The following NIN variants were observed in gnomAD, a reference collection of about 807,000 sequenced individuals.
The protein encoded by NIN is ninein.
NIN carries 137 observed loss-of-function variants against 257.6 expected under a neutral mutation model. The ratio of observed to expected loss-of-function variants is 0.53; its 90% CI spans 0.46 to 0.61. The LOEUF (loss-of-function observed/expected upper bound fraction) is 0.61. Ranked by LOEUF, NIN falls within the 20% of genes least tolerant of loss-of-function variation. The pLI is 0.00. For missense variants in NIN, 2,439 were observed against 2,501.2 expected (o/e 0.98, Z 0.53); for synonymous variants, 918 against 919.8 (o/e 1.00, Z 0.04).
At chr14:50,784,719 G>A (rs1010778159) in intron 5 of NIN, among the ~76,000 whole-genome samples, 5 of 152,180 alleles carry the variant, frequency 3.3e-5, no homozygotes, top group South Asian at 2.1e-4. Flanking sequence ...CACTGTAAAC[G>A]TACATAACTT....
intron 28 of NIN, among the ~76,000 whole-genome samples, chr14:50,732,966 G>T (rs2040793848): frequency 6.6e-6 from 1 of 151,876 alleles, no homozygotes; most frequent in African/African-American, 2.4e-5. Flanking sequence ...ACTTTGGGAG[G>T]CTGAGGTGGG....
At position 50,771,366 on chromosome 14, in the gene NIN, G is replaced by A; in HGVS notation, c.1084C>T (p.Leu362=). The A allele has an allele frequency of 6.2e-7, 1 of 1,614,206 alleles. No individual in the cohort carries two copies. The highest frequency in any genetic ancestry group is 1.3e-5 in the African/African-American group (1 of 75,060). Residue 362 remains leucine, a synonymous_variant, in exon 10 of 31, where the codon CTG becomes TTG. Transcript: ENST00000530997. ...CGGATTTCAGCCTTAAAGCTGGCCAGAGCCGCCTGGTGAATGCTGTTCTTG... is the reference window on the plus strand; with the variant it reads ...CGGATTTCAGCCTTAAAGCTGGCCAAAGCCGCCTGGTGAATGCTGTTCTTG... The part of the protein sequence containing the change: ...VTKNSIHQAA[L]ASFKAEIRHL...
At chr14:50,764,829 C>A (rs1330360611) in intron 14 of NIN, among the ~76,000 whole-genome samples, 1 of 151,954 alleles carries the variant, frequency 6.6e-6, no homozygotes, top group Non-Finnish European at 1.5e-5. Flanking sequence ...GAGATTATGG[C>A]TAAGTGGAGA....
chr14:50,741,591 A>G lies in NIN; in HGVS notation c.5439T>C (p.Ala1813=), dbSNP rs767905880. The G allele has an allele frequency of 4.3e-6, 7 of 1,613,310 alleles. No individual in the cohort carries two copies. Among genetic ancestry groups the G allele is most frequent in the Non-Finnish European group, 5.9e-6 (7 of 1,179,822 alleles). ...VMSLHKQLQN[A]GGKSWAPEIA... ...AAAAAGAACAAATCACCTTGCCACC[A>G]GCATTCTGAAGTTGCTTATGTAAAG... Residue 1813 remains alanine, a synonymous_variant, in exon 25 of 31, where the codon GCT becomes GCC. Transcript: ENST00000530997.
At position 50,738,210 on chromosome 14, in the gene NIN, T is replaced by G. The variant is rs1188068617; in HGVS notation, c.5705A>C (p.Glu1902Ala). 6.2e-7 allele frequency: 1 copy of G among 1,614,148 alleles called. No homozygotes were observed. Among genetic ancestry groups the G allele is most frequent in the Non-Finnish European group, 8.5e-7 (1 of 1,179,994 alleles). Reference protein sequence around the residue: ...LNPSGTMNPTEQEKLSLKREC... With the variant: ...LNPSGTMNPTAQEKLSLKREC... ...TCTCTTTAAGCTCAATTTTTCTTGC[T>G]CTGTGGGATTCATGGTACCTGATGG... The change falls in exon 27 of 31, where the codon GAG becomes GCG. Residue 1902 changes from glutamate to alanine, a missense_variant. Transcript: ENST00000530997.
rs79100387 is a variant in NIN, at chr14:50,738,381, G to T, written c.5629-95C>A. The T allele has an allele frequency of 5.0e-4, 525 of 1,055,500 alleles. 3 individuals carry two copies. In the African/African-American group the frequency reaches 8.0e-3, roughly 16 times the overall value. 65.4% of individuals were successfully genotyped at this position (1,055,500 alleles called of 1,614,324 possible). ...GGGAAAGTTTTAATTCAGTACTTGG[G>T]TCCTGTTTAACATCCTTTTTCAATC... On this transcript the variant is annotated intron_variant, in intron 26 of 30. Coordinates refer to ENST00000530997, the MANE Select transcript of NIN (RefSeq NM_020921.4).
rs1477658805 is a variant in NIN, at chr14:50,758,645, C to T, written c.2400-15G>A. The T allele has an allele frequency of 6.5e-7, 1 of 1,534,820 alleles. No individual in the cohort carries two copies. The highest frequency in any genetic ancestry group is 2.3e-5 in the East Asian group (1 of 44,082). ...CCATTTTTTCCCTAAATATAGTCAA[C>T]ATACAGCATTATTGAAACTGCCGCC... On this transcript the variant is annotated splice_polypyrimidine_tract_variant and intron_variant, in intron 17 of 30. Coordinates refer to ENST00000530997, the MANE Select transcript of NIN (RefSeq NM_020921.4).
intron 29 of NIN, among the ~76,000 whole-genome samples, chr14:50,727,925 G>C (rs951186500): frequency 6.6e-6 from 1 of 152,190 alleles, no homozygotes; most frequent in African/African-American, 2.4e-5. Context: ...TCCACACACA[G>C]AAACGTGCAG....
chr14:50,783,416 C>T (rs2043216027), intron 5 of NIN, among the ~76,000 whole-genome samples: 1 of 152,088 alleles, frequency 6.6e-6, no homozygotes, highest in African/African-American at 2.4e-5. Flanking sequence ...CCCCCTAGGA[C>T]CCTTTGTAAG....
In NIN at chr14:50,756,663, A is replaced by G; in HGVS notation, c.4367T>C (p.Leu1456Pro). 1 of 1,552,490 alleles carries G rather than the reference A, an allele frequency of 6.4e-7. No individual in the cohort carries two copies. Among genetic ancestry groups the G allele is most frequent in the Non-Finnish European group, 8.7e-7 (1 of 1,147,318 alleles). ...CAGCTCCTGTAACTTTGTTTTCTCC[A>G]GTTCTAACTCTGCTATGGTGGCCTG... ...QHQATIAELE[L>P]EKTKLQELTR... Residue 1456 changes from leucine to proline, a missense_variant, in exon 18 of 31, where the codon CTG becomes CCG. By Grantham distance (98) the Leu-to-Pro change is moderately conservative. Coordinates refer to ENST00000530997, the MANE Select transcript of NIN (RefSeq NM_020921.4).
chr14:50,755,648 CTTTTTTTTTTTTTTTTT>C (rs71118900), intron 18 of NIN, among the ~76,000 whole-genome samples: 51 of 80,008 alleles, frequency 6.4e-4, no homozygotes, highest in Admixed American at 1.1e-3. Flanking sequence ...TGTTTTGTCT[CTTTTTTTTTTTTTTTTT>C]TTTTTTTTTT....
chr14:50,778,316 G>T (rs548747968), intron 6 of NIN, among the ~76,000 whole-genome samples: 1 of 152,104 alleles, frequency 6.6e-6, no homozygotes, highest in Non-Finnish European at 1.5e-5. Flanking sequence ...TAGCTGGGAC[G>T]ACAGGCATGT....
chr14:50,739,055 G>C (rs1236006341), intron 26 of NIN, among the ~76,000 whole-genome samples: 1 of 151,910 alleles, frequency 6.6e-6, no homozygotes, highest in Non-Finnish European at 1.5e-5. Flanking sequence ...ATTTCCATGA[G>C]TCTATATTTT....
At chr14:50,741,757 T>C (rs1267389976) in intron 24 of NIN, 29 bp from the exon 25 acceptor site, 5 of 1,608,368 alleles carry the variant, frequency 3.1e-6, no homozygotes, top group Non-Finnish European at 4.2e-6. Context: ...CTTTTACTGC[T>C]ACACAAACTC....
At chr14:50,780,678 A>T (rs1397027772) in intron 5 of NIN, among the ~76,000 whole-genome samples, 3 of 152,178 alleles carry the variant, frequency 2.0e-5, no homozygotes, top group Admixed American at 6.5e-5. Flanking sequence ...AGTTCATTTA[A>T]TTTGGCCATA....
In NIN at chr14:50,778,779, T is replaced by A; in HGVS notation, c.461A>T (p.Glu154Val). 6.2e-7 allele frequency: 1 copy of A among 1,614,094 alleles called. No homozygotes were observed. Residue 154 changes from glutamate (E) to valine (V), a missense_variant, in exon 6 of 31, where the codon GAG (glutamate) becomes GTG (valine). Physicochemically the swap from Glu to Val is moderately radical, Grantham distance 121. This residue lies in a region of NIN where 387 missense variants were observed against 427.3 expected (regional missense o/e 0.91). Transcript: ENST00000530997. ...TCGGCTCTTACCTTCCGCTTCATAC[T>A]CCTCACTGCGTTGCGTCTTCCAGTG... is the stretch of plus-strand genomic sequence containing the variant. ...SEHWKTQRSE[E>V]YEAEGQLRFW...
intron 12 of NIN, 129 bp from the exon 13 acceptor site, chr14:50,767,019 A>C (rs2042515914): frequency 1.6e-6 from 1 of 641,322 alleles, no homozygotes; most frequent in African/African-American, 1.8e-5. Context: ...GCTGTAGTAG[A>C]CTACAGGAGG....
chr14:50,748,872 A>T lies in NIN; in HGVS notation c.4951-767T>A, dbSNP rs925058352. Among the ~76,000 whole-genome samples, 3 of 152,348 alleles carry T rather than the reference A, an allele frequency of 2.0e-5. No individual in the cohort carries two copies. In the South Asian group the frequency reaches 6.2e-4, roughly 32 times the overall value. ...GATAGGAAGAATCAATATCGTGAAA[A>T]TGGCCATACTGCCCAAAGTAATTTA... On this transcript the variant is annotated intron_variant, in intron 21 of 30. Coordinates refer to ENST00000530997, the MANE Select transcript of NIN (RefSeq NM_020921.4).
intron 29 of NIN, chr14:50,727,459 T>C: frequency 8.5e-7 from 1 of 1,174,404 alleles, no homozygotes; most frequent in Non-Finnish European, 1.1e-6. Context: ...TAAAATGATT[T>C]GTAACAAGCT....
Sources: allele counts gnomAD v4.1 joint callset (sites outside exome capture counted in the v4.1 genomes callset), GRCh38; gene constraint gnomAD v4.1.1; regional missense constraint gnomAD v4.1.1; transcripts MANE v1.5; gene names NCBI Gene and HGNC (gene_info 2026-07-23, HGNC 2026-07-21).